Variants in NUDT3 observed in about 807,000 individuals in gnomAD.
NUDT3 encodes the protein diphosphoinositol polyphosphate phosphohydrolase 1.
Under a neutral mutation model 23.6 loss-of-function variants are expected in NUDT3, and 9 were observed. The observed-to-expected ratio is 0.38, with a 90% CI of 0.23 to 0.66. NUDT3 has a LOEUF of 0.66. Ranked by LOEUF, NUDT3 falls within the 30% of genes least tolerant of loss-of-function variation. NUDT3 has a pLI of 0.52. For missense variants in NUDT3, 172 were observed against 218.5 expected (o/e 0.79, Z 1.34); for synonymous variants, 86 against 82.6 (o/e 1.04, Z -0.22).
intron 1 of NUDT3, among the ~76,000 whole-genome samples, chr6:34,387,508 T>A (rs971275523): frequency 9.2e-5 from 14 of 151,808 alleles, no homozygotes; most frequent in African/African-American, 3.1e-4. Flanking sequence ...TAAATAATAT[T>A]TTTAAATAAA....
intron 2 of NUDT3, among the ~76,000 whole-genome samples, chr6:34,315,597 T>C (rs1338095566): frequency 6.6e-6 from 1 of 152,204 alleles, no homozygotes; most frequent in Admixed American, 6.5e-5. Flanking sequence ...AGTTTACTCA[T>C]TTAGATCATG....
intron 1 of NUDT3, among the ~76,000 whole-genome samples, chr6:34,354,760 CTTTATATTTGTATTTAT>C (rs1764536484): frequency 2.4e-5 from 3 of 126,616 alleles, no homozygotes; most frequent in South Asian, 5.0e-4. Context: ...TATTTATTTA[CTTTATATTTGTATTTAT>C]TTTATATTTG....
intron 2 of NUDT3, among the ~76,000 whole-genome samples, chr6:34,323,091 G>A (rs1244063771): frequency 6.6e-6 from 1 of 152,150 alleles, no homozygotes; most frequent in African/African-American, 2.4e-5. Flanking sequence ...AAACACTGGG[G>A]ATTCTAAAAG....
intron 1 of NUDT3, among the ~76,000 whole-genome samples, chr6:34,390,115 G>A (rs576986516): frequency 6.6e-6 from 1 of 152,196 alleles, no homozygotes; most frequent in Non-Finnish European, 1.5e-5. Flanking sequence ...TCCAGCCTGG[G>A]CGAAAGAGCG....
intron 1 of NUDT3, among the ~76,000 whole-genome samples, chr6:34,385,660 T>C (rs550739506): frequency 2.4e-4 from 36 of 152,196 alleles, no homozygotes; most frequent in African/African-American, 7.7e-4. Context: ...CTCAGTTTGT[T>C]TGTCCATATA....
intron 1 of NUDT3, among the ~76,000 whole-genome samples, chr6:34,364,768 T>G (rs1193471067): frequency 6.6e-6 from 1 of 152,174 alleles, no homozygotes; most frequent in Admixed American, 6.5e-5. Flanking sequence ...GTGCGGTGGC[T>G]CACACCTGTA....
chr6:34,296,933 A>T, intron 2 of NUDT3, among the ~76,000 whole-genome samples: 1 of 138,324 alleles, frequency 7.2e-6, no homozygotes, highest in Non-Finnish European at 1.6e-5. Flanking sequence ...CAGTGGTTAG[A>T]CCTTTTTTTT....
chr6:34,359,018 T>C (rs1268733545), intron 1 of NUDT3, among the ~76,000 whole-genome samples: 1 of 152,190 alleles, frequency 6.6e-6, no homozygotes, highest in African/African-American at 2.4e-5. Context: ...ATTTACTCAA[T>C]TTAGGAAGAT....
At chr6:34,339,083 T>C (rs535709357) in intron 2 of NUDT3, among the ~76,000 whole-genome samples, 83 of 152,226 alleles carry the variant, frequency 5.5e-4, no homozygotes, top group African/African-American at 1.8e-3. Flanking sequence ...ACCAGCCAAA[T>C]CAGGAAGTTA....
chr6:34,371,227 T>C (rs987755209), intron 1 of NUDT3, among the ~76,000 whole-genome samples: 1 of 152,116 alleles, frequency 6.6e-6, no homozygotes, highest in African/African-American at 2.4e-5. Flanking sequence ...TCCCAGCACT[T>C]TGGGAGGCCG....
chr6:34,342,144 T>C (rs1764297236), intron 1 of NUDT3, among the ~76,000 whole-genome samples, 172 bp from the exon 2 acceptor site: 1 of 151,858 alleles, frequency 6.6e-6, no homozygotes, highest in African/African-American at 2.4e-5. Flanking sequence ...AAAGTAGGCA[T>C]CAGCTAGTAA....
At chr6:34,325,732 A>G (rs944529453) in intron 2 of NUDT3, among the ~76,000 whole-genome samples, 2 of 152,244 alleles carry the variant, frequency 1.3e-5, no homozygotes, top group Non-Finnish European at 2.9e-5. Flanking sequence ...ATAATGTACT[A>G]AGACATGATG....
intron 1 of NUDT3, among the ~76,000 whole-genome samples, chr6:34,355,691 G>A (rs1379157861): frequency 7.7e-5 from 8 of 104,334 alleles, no homozygotes; most frequent in Non-Finnish European, 1.2e-4. Context: ...TGTTTTTTTG[G>A]GGGGGTGGGG....
rs1476886751 is a variant in NUDT3 at position 34,284,604 on chromosome 6, A to C, written c.*4149T>G. ...GGCATTAAGAAAGTACTAGATGAAAATGAGAAATATGTGAAGGATAACATG... is the reference window on the plus strand; with the variant it reads ...GGCATTAAGAAAGTACTAGATGAAACTGAGAAATATGTGAAGGATAACATG... On this transcript the variant is annotated 3_prime_UTR_variant, in exon 5 of 5. Transcript: ENST00000607016. The C allele has an allele frequency of 6.6e-6, 1 of 151,634 alleles. No homozygotes were observed. The highest frequency in any genetic ancestry group is 1.5e-5 in the Non-Finnish European group (1 of 67,970). 9.4% of individuals were successfully genotyped at this position (151,634 alleles called of 1,614,324 possible). A position where few individuals can be genotyped will look rare whatever the true frequency, so the allele number is the denominator to read the frequency against.
chr6:34,332,835 G>GGGAT (rs553543274), intron 2 of NUDT3, among the ~76,000 whole-genome samples: 108 of 152,142 alleles, frequency 7.1e-4, no homozygotes, highest in Middle Eastern at 6.8e-3. Flanking sequence ...TAATACTCTT[G>GGGAT]GGATGGCTGA....
At chr6:34,330,190 G>T (rs1030631419) in intron 2 of NUDT3, among the ~76,000 whole-genome samples, 1 of 152,176 alleles carries the variant, frequency 6.6e-6, no homozygotes, top group Non-Finnish European at 1.5e-5. Flanking sequence ...GGATCAAATG[G>T]TATTTCTAGT....
intron 1 of NUDT3, among the ~76,000 whole-genome samples, chr6:34,376,783 C>A (rs1216807360): frequency 6.6e-6 from 1 of 152,148 alleles, no homozygotes; most frequent in African/African-American, 2.4e-5. Context: ...CTTTGAAGGA[C>A]AACTGTGGTT....
chr6:34,305,667 T>C (rs1763669145), intron 2 of NUDT3, among the ~76,000 whole-genome samples: 3 of 152,232 alleles, frequency 2.0e-5, no homozygotes, highest in South Asian at 2.1e-4. Flanking sequence ...AATATAAGCA[T>C]CTAAGCATCA....
chr6:34,326,898 G>A (rs971705940), intron 2 of NUDT3, among the ~76,000 whole-genome samples: 2 of 152,136 alleles, frequency 1.3e-5, no homozygotes, highest in Non-Finnish European at 2.9e-5. Flanking sequence ...GTAGGGTCCC[G>A]CCCTACGGGG....
Sources: gnomAD v4.1 joint callset for allele counts (sites outside exome capture counted in the v4.1 genomes callset) on GRCh38, gnomAD v4.1.1 for gene constraint, MANE v1.5 for transcripts, NCBI Gene and HGNC (gene_info 2026-07-23, HGNC 2026-07-21) for gene names.